The following PCDH9 variants were observed in gnomAD, a reference collection of about 807,000 sequenced individuals.
PCDH9 encodes protocadherin-9.
PCDH9 carries 24 observed loss-of-function variants against 70.6 expected under a neutral mutation model. The observed-to-expected ratio is 0.34, with a 90% CI of 0.25 to 0.48. PCDH9 has a LOEUF of 0.48. Among genes scored for constraint, PCDH9 ranks in the 20% least tolerant of loss-of-function variants. The pLI, the probability that PCDH9 is intolerant of heterozygous loss-of-function variation, is 0.99. For missense variants in PCDH9, 1,281 were observed against 1,503.6 expected (o/e 0.85, Z 2.45); for synonymous variants, 562 against 558.5 (o/e 1.01, Z -0.09).
At chr13:66,836,694 T>A (rs369492570) in intron 3 of PCDH9, among the ~76,000 whole-genome samples, 1 of 152,194 alleles carries the variant, frequency 6.6e-6, no homozygotes, top group Non-Finnish European at 1.5e-5. Context: ...TAGAAGAGTT[T>A]CTAGGGCTTT....
At chr13:66,857,669 T>C (rs1046272528) in intron 3 of PCDH9, among the ~76,000 whole-genome samples, 1 of 152,166 alleles carries the variant, frequency 6.6e-6, no homozygotes, top group Non-Finnish European at 1.5e-5. Flanking sequence ...TGTATATTCA[T>C]ATATTTTTTT....
At chr13:66,750,223 C>T (rs568116612) in intron 3 of PCDH9, among the ~76,000 whole-genome samples, 8 of 151,966 alleles carry the variant, frequency 5.3e-5, no homozygotes, top group Non-Finnish European at 1.0e-4. Context: ...CAAATATTCG[C>T]TAATAGAAGA....
chr13:66,307,290 A>G (rs1955485382), intron 4 of PCDH9, among the ~76,000 whole-genome samples: 1 of 152,108 alleles, frequency 6.6e-6, no homozygotes. Flanking sequence ...GATTCTTCAC[A>G]GTGCTAAACA....
At chr13:66,472,583 C>A (rs1958641561) in intron 4 of PCDH9, among the ~76,000 whole-genome samples, 1 of 152,120 alleles carries the variant, frequency 6.6e-6, no homozygotes, top group Non-Finnish European at 1.5e-5. Flanking sequence ...ACAACAACAA[C>A]AACCAAACAC....
intron 4 of PCDH9, among the ~76,000 whole-genome samples, chr13:66,444,576 A>G (rs1028297750): frequency 1.3e-5 from 2 of 152,004 alleles, no homozygotes; most frequent in African/African-American, 4.8e-5. Flanking sequence ...TGTTTGAGAC[A>G]GAGTCTCACT....
intron 2 of PCDH9, among the ~76,000 whole-genome samples, chr13:66,994,435 T>C (rs567021433): frequency 1.3e-5 from 2 of 152,288 alleles, no homozygotes; most frequent in East Asian, 3.9e-4. Flanking sequence ...AAAGCGGATA[T>C]GCAGAGCGCT....
chr13:66,583,538 G>A (rs74493876), intron 4 of PCDH9, among the ~76,000 whole-genome samples: 1 of 151,820 alleles, frequency 6.6e-6, no homozygotes, highest in East Asian at 1.9e-4. Flanking sequence ...CTTGAATTCC[G>A]GCGGGGCGGA....
intron 3 of PCDH9, among the ~76,000 whole-genome samples, chr13:66,802,260 T>C (rs2080338919): frequency 6.6e-6 from 1 of 151,982 alleles, no homozygotes; most frequent in Non-Finnish European, 1.5e-5. Context: ...AGACAAAACT[T>C]CTCAAAATAA....
chr13:67,105,869 CAT>C (rs1410344773), intron 2 of PCDH9, among the ~76,000 whole-genome samples: 1 of 151,092 alleles, frequency 6.6e-6, no homozygotes, highest in Non-Finnish European at 1.5e-5. Context: ...CTCAAGAATA[CAT>C]ATATGTTTTT....
intron 4 of PCDH9, among the ~76,000 whole-genome samples, chr13:66,403,727 T>C (rs1957230201): frequency 6.6e-6 from 1 of 152,112 alleles, no homozygotes; most frequent in African/African-American, 2.4e-5. Context: ...AATAAAGCCA[T>C]CACCCATGAT....
intron 3 of PCDH9, among the ~76,000 whole-genome samples, chr13:66,697,612 C>T (rs1355503204): frequency 6.6e-6 from 1 of 152,068 alleles, no homozygotes. Flanking sequence ...CAGTGCTGTA[C>T]TATATTATGT....
intron 3 of PCDH9, among the ~76,000 whole-genome samples, chr13:66,875,448 C>A (rs925590891): frequency 6.6e-6 from 1 of 152,170 alleles, no homozygotes; most frequent in Non-Finnish European, 1.5e-5. Flanking sequence ...AACATCAACA[C>A]GTGTGGATTC....
intron 4 of PCDH9, among the ~76,000 whole-genome samples, chr13:66,431,720 C>A (rs989453712): frequency 6.6e-6 from 1 of 151,798 alleles, no homozygotes; most frequent in East Asian, 1.9e-4. Context: ...ACCAAGACAC[C>A]CACAGACAAA....
chr13:67,164,610 A>G (rs2987334), intron 2 of PCDH9, among the ~76,000 whole-genome samples: 4,971 of 151,828 alleles, frequency 0.033, 268 homozygotes, highest in African/African-American at 0.11. Flanking sequence ...GAAAAAGACT[A>G]TAACATTTGA....
At chr13:66,923,264 T>A (rs1054492301) in intron 2 of PCDH9, among the ~76,000 whole-genome samples, 4 of 151,526 alleles carry the variant, frequency 2.6e-5, no homozygotes, top group African/African-American at 9.7e-5. Context: ...TTGACACACA[T>A]TTCATAGCTA....
chr13:67,003,563 A>ATAT (rs2084287652), intron 2 of PCDH9, among the ~76,000 whole-genome samples: 1 of 152,166 alleles, frequency 6.6e-6, no homozygotes, highest in South Asian at 2.1e-4. Context: ...ATGGATACAC[A>ATAT]TATTATTAGA....
At chr13:67,168,089 A>C (rs1298336075) in intron 2 of PCDH9, among the ~76,000 whole-genome samples, 9 of 152,228 alleles carry the variant, frequency 5.9e-5, no homozygotes, top group Non-Finnish European at 1.2e-4. Flanking sequence ...ATACTGATAA[A>C]GGTAACCACA....
At chr13:66,791,624 C>T (rs2080165405) in intron 3 of PCDH9, among the ~76,000 whole-genome samples, 1 of 151,994 alleles carries the variant, frequency 6.6e-6, no homozygotes, top group Non-Finnish European at 1.5e-5. Context: ...TAATGTATTA[C>T]ATACATGTAA....
intron 4 of PCDH9, among the ~76,000 whole-genome samples, chr13:66,522,902 A>G (rs558459338): frequency 6.6e-6 from 1 of 152,158 alleles, no homozygotes; most frequent in South Asian, 2.1e-4. Context: ...GCTTATGGTA[A>G]TATGCTACAG....
Sources: allele counts gnomAD v4.1 joint callset (sites outside exome capture counted in the v4.1 genomes callset), GRCh38; gene constraint gnomAD v4.1.1; transcripts MANE v1.5; gene names NCBI Gene and HGNC (gene_info 2026-07-23, HGNC 2026-07-21).